Variants in RPAP2 observed in about 807,000 individuals in gnomAD.
RPAP2 encodes the protein RNA polymerase II associated protein 2, also known as putative RNA polymerase II subunit B1 CTD phosphatase RPAP2.
In RPAP2, 52 loss-of-function variants were observed where a neutral mutation model predicts 73.1. That is an observed-to-expected ratio of 0.71 (90% CI 0.57 to 0.90). The LOEUF is 0.90. Ranked by LOEUF, RPAP2 falls within the 40% of genes least tolerant of loss-of-function variation. The pLI is 0.00. For synonymous variants in RPAP2, 225 were observed against 242.1 expected, an observed-to-expected ratio of 0.93 and a Z score of 0.65; for missense variants, 598 against 701.8, an observed-to-expected ratio of 0.85 and a Z score of 1.67.
In RPAP2 at chr1:92,323,825, A is replaced by G; in HGVS notation, c.905A>G (p.Asn302Ser). The G allele has an allele frequency of 6.2e-7, 1 of 1,614,124 alleles. No individual in the cohort carries two copies. Reference protein sequence around the residue: ...LQKVNTQSSSNSTLPERLKAS... With the variant: ...LQKVNTQSSSSSTLPERLKAS... The stretch of plus-strand genomic sequence containing the variant: ...AAAGTAAATACTCAGAGTTCTTCAA[A>G]TAGCACTTTGCCTGAAAGATTAAAA... Residue 302 changes from asparagine to serine, a missense_variant, in exon 8 of 13, where the codon AAT becomes AGT. By Grantham distance (46) the Asn-to-Ser change is conservative (BLOSUM62 1). Coordinates refer to ENST00000610020, the MANE Select transcript of RPAP2 (RefSeq NM_024813.3).
At chr1:92,375,166 C>T (rs1407946808) in intron 11 of RPAP2, among the ~76,000 whole-genome samples, 1 of 151,918 alleles carries the variant, frequency 6.6e-6, no homozygotes, top group East Asian at 1.9e-4. Context: ...TTATATTATA[C>T]ATCAGATTTT....
intron 12 of RPAP2, among the ~76,000 whole-genome samples, chr1:92,381,883 TA>T: frequency 6.6e-6 from 1 of 151,978 alleles, no homozygotes. Context: ...ATTTGTCATT[TA>T]ACATTAGGTA....
intron 11 of RPAP2, among the ~76,000 whole-genome samples, chr1:92,372,607 A>G (rs1258786653): frequency 2.0e-5 from 3 of 152,286 alleles, no homozygotes; most frequent in Admixed American, 1.3e-4. Flanking sequence ...TGTTTCCTCC[A>G]TTCTTCTAAA....
At position 92,397,894 on chromosome 1, in the gene RPAP2, C is replaced by G. The variant is rs1263575160; in HGVS notation, c.*10883C>G. 2.6e-5 allele frequency: 4 copies of G among 152,604 alleles called. No individual in the cohort carries two copies. The East Asian group carries it at 7.7e-4, about 29-fold the overall frequency. The allele number at this position is 152,604 out of a possible 1,614,324, so 9.5% of individuals were successfully genotyped here. A position where few individuals can be genotyped will look rare whatever the true frequency, so the allele number is the denominator to read the frequency against. On this transcript the variant is annotated 3_prime_UTR_variant, in exon 13 of 13. Coordinates refer to ENST00000610020, the MANE Select transcript of RPAP2 (RefSeq NM_024813.3). ...CTCCCTGGCCGGGCACGGTGGCTCACGCCTGTAATCCCAGCACTTTGGGAG... is the reference window on the plus strand; with the variant it reads ...CTCCCTGGCCGGGCACGGTGGCTCAGGCCTGTAATCCCAGCACTTTGGGAG...
intron 11 of RPAP2, among the ~76,000 whole-genome samples, chr1:92,379,660 C>T (rs1013119810): frequency 1.2e-4 from 19 of 152,134 alleles, no homozygotes; most frequent in Admixed American, 9.8e-4. Context: ...GTTAGCCAGG[C>T]GTGGTGGCTC....
At chr1:92,347,853 G>A (rs1461796451) in intron 11 of RPAP2, among the ~76,000 whole-genome samples, 2 of 152,102 alleles carry the variant, frequency 1.3e-5, no homozygotes, top group South Asian at 2.1e-4. Context: ...TTGAATTCAC[G>A]GAACAAATTG....
chr1:92,377,316 C>A (rs1416191043), intron 11 of RPAP2, among the ~76,000 whole-genome samples: 3 of 151,728 alleles, frequency 2.0e-5, no homozygotes. Flanking sequence ...GTCAAGAGAT[C>A]GAGACCATCC....
At chr1:92,350,040 ACACT>A (rs1654119359) in intron 11 of RPAP2, among the ~76,000 whole-genome samples, 1 of 152,230 alleles carries the variant, frequency 6.6e-6, no homozygotes, top group Admixed American at 6.5e-5. Context: ...TGATCATTGC[ACACT>A]CAATGAAATG....
chr1:92,357,207 T>G lies in RPAP2; in HGVS notation c.1688+11293T>G, dbSNP rs140327824. 2.5e-3 allele frequency among the ~76,000 whole-genome samples: 384 copies of G among 152,138 alleles called. 3 individuals are homozygous for G. The highest frequency in any genetic ancestry group is 9.1e-3 in the South Asian group (44 of 4,816). On this transcript the variant is annotated intron_variant, in intron 11 of 12. Transcript: ENST00000610020. The stretch of plus-strand genomic sequence containing the variant: ...CAAAGATTAAACAAATCCCTTTCCC[T>G]CAAACACTTTACAGCCTACTGGAGG...
At chr1:92,334,060 C>T (rs1653129772) in intron 9 of RPAP2, among the ~76,000 whole-genome samples, 1 of 151,440 alleles carries the variant, frequency 6.6e-6, no homozygotes, top group Non-Finnish European at 1.5e-5. Context: ...TTTTTTTTTC[C>T]CAGAGGTATG....
intron 8 of RPAP2, among the ~76,000 whole-genome samples, chr1:92,332,354 A>G (rs912497787): frequency 6.6e-6 from 1 of 151,774 alleles, no homozygotes; most frequent in East Asian, 1.9e-4. Flanking sequence ...AAAATTTTCA[A>G]CCTCATAATT....
chr1:92,365,143 C>T (rs114571189), intron 11 of RPAP2, among the ~76,000 whole-genome samples: 2,124 of 152,196 alleles, frequency 0.014, 49 homozygotes, highest in African/African-American at 0.048. Context: ...TCCTTAACAC[C>T]CCACAGTCAG....
At chr1:92,356,721 C>T (rs1654485960) in intron 11 of RPAP2, among the ~76,000 whole-genome samples, 1 of 151,602 alleles carries the variant, frequency 6.6e-6, no homozygotes, top group Non-Finnish European at 1.5e-5. Flanking sequence ...AGGCATGAGC[C>T]ACCACACCTG....
chr1:92,378,495 G>A (rs1244534059), intron 11 of RPAP2, among the ~76,000 whole-genome samples: 1 of 152,160 alleles, frequency 6.6e-6, no homozygotes, highest in African/African-American at 2.4e-5. Flanking sequence ...TTACAGGCAT[G>A]AGCCATCGCG....
intron 7 of RPAP2, among the ~76,000 whole-genome samples, chr1:92,321,289 A>C (rs1348372346): frequency 1.3e-5 from 2 of 152,214 alleles, no homozygotes; most frequent in Non-Finnish European, 2.9e-5. Context: ...GAAATACATG[A>C]AAGTTAAATT....
At position 92,394,845 on chromosome 1, in the gene RPAP2, T is replaced by C. The variant is rs1656145781; in HGVS notation, c.*7834T>C. 1 of 152,156 alleles carries C rather than the reference T, an allele frequency of 6.6e-6. No homozygotes were observed. The highest frequency in any genetic ancestry group is 6.5e-5 in the Admixed American group (1 of 15,270). The allele number at this position is 152,156 out of a possible 1,614,324, so 9.4% of individuals were successfully genotyped here. A position where few individuals can be genotyped will look rare whatever the true frequency, so the allele number is the denominator to read the frequency against. ...TGACAAGCCAATCTTAAAATCTGTATGAAAACATAAAGGATTCAGAATAGC... is the reference window on the plus strand; with the variant it reads ...TGACAAGCCAATCTTAAAATCTGTACGAAAACATAAAGGATTCAGAATAGC... On this transcript the variant is annotated 3_prime_UTR_variant, in exon 13 of 13. Coordinates refer to ENST00000610020, the MANE Select transcript of RPAP2 (RefSeq NM_024813.3).
intron 11 of RPAP2, among the ~76,000 whole-genome samples, chr1:92,360,043 G>A (rs1654657530): frequency 1.3e-5 from 2 of 152,316 alleles, no homozygotes; most frequent in Admixed American, 1.3e-4. Flanking sequence ...AATAGGCTCT[G>A]TAAAAACATA....
At chr1:92,366,333 C>T (rs1436273983) in intron 11 of RPAP2, among the ~76,000 whole-genome samples, 1 of 152,152 alleles carries the variant, frequency 6.6e-6, no homozygotes, top group Non-Finnish European at 1.5e-5. Flanking sequence ...TTAAATTTAG[C>T]TCTGACCTCT....
rs144029666 is a variant in RPAP2 at position 92,309,352 on chromosome 1, G to C, written c.488+2076G>C. 2.3e-3 allele frequency among the ~76,000 whole-genome samples: 347 copies of C among 150,858 alleles called. 1 individual carries two copies. Among genetic ancestry groups the C allele is most frequent in the African/African-American group, 8.0e-3 (330 of 41,080 alleles). On this transcript the variant is annotated intron_variant, in intron 6 of 12. Transcript: ENST00000610020. ...AGCTACTCAGGAGGCTGAGGTAGGAGAATTGCTTGAACCTGGGAGGCGGAG... is the reference window on the plus strand; with the variant it reads ...AGCTACTCAGGAGGCTGAGGTAGGACAATTGCTTGAACCTGGGAGGCGGAG...
Sources: allele counts gnomAD v4.1 joint callset (sites outside exome capture counted in the v4.1 genomes callset), GRCh38; gene constraint gnomAD v4.1.1; transcripts MANE v1.5; gene names NCBI Gene and HGNC (gene_info 2026-07-23, HGNC 2026-07-21).